The following DNAJB6 variants were observed in gnomAD, a reference collection of about 807,000 sequenced individuals.
The protein encoded by DNAJB6 is dnaJ homolog subfamily B member 6.
A neutral mutation model predicts 42.7 loss-of-function variants in DNAJB6; 16 were observed. That is an observed-to-expected ratio of 0.37 (90% CI 0.25 to 0.57). DNAJB6 has a LOEUF of 0.57. Among genes scored for constraint, DNAJB6 ranks in the 20% least tolerant of loss-of-function variants. The probability of loss-of-function intolerance (pLI) is 0.74; values close to 1 mark genes in which losing one functional copy is unlikely to be tolerated. For missense variants in DNAJB6, 347 were observed against 416.8 expected (o/e 0.83, Z 1.46); for synonymous variants, 170 against 163.5 (o/e 1.04, Z -0.30).
chr7:157,346,840 C>CTA (rs1798713648), intron 1 of DNAJB6, among the ~76,000 whole-genome samples: 3 of 152,242 alleles, frequency 2.0e-5, no homozygotes, highest in South Asian at 4.1e-4. Context: ...TCTTTCTAGA[C>CTA]CTTCAGCTAT....
intron 2 of DNAJB6, among the ~76,000 whole-genome samples, chr7:157,361,373 G>C (rs1799584486): frequency 6.6e-6 from 1 of 152,114 alleles, no homozygotes; most frequent in East Asian, 1.9e-4. Flanking sequence ...TGGCCAGGAT[G>C]GTCTCGATCT....
At chr7:157,342,731 G>T (rs138262838) in intron 1 of DNAJB6, among the ~76,000 whole-genome samples, 3,235 of 152,248 alleles carry the variant, frequency 0.021, 46 homozygotes, top group East Asian at 0.055. Flanking sequence ...GGGATTACAG[G>T]TGTGAGCCAC....
At chr7:157,344,234 A>G (rs7779202) in intron 1 of DNAJB6, among the ~76,000 whole-genome samples, 83,204 of 151,736 alleles carry the variant, frequency 0.55, 23,149 homozygotes, top group East Asian at 0.76. Flanking sequence ...TCAGCTACTT[A>G]GCAGGCTGAG....
At chr7:157,350,904 A>G (rs1223576179) in intron 1 of DNAJB6, among the ~76,000 whole-genome samples, 1 of 150,102 alleles carries the variant, frequency 6.7e-6, no homozygotes, top group Non-Finnish European at 1.5e-5. Flanking sequence ...AGCATATGCC[A>G]GACATTAGCC....
rs545213893 is a variant in DNAJB6, at chr7:157,384,247, A to T, written c.479-620A>T. ...TGGTGTTCATGAACTGTAGAACCAT[A>T]GTTTTTTGAGACGAATACTTGTATT... On this transcript the variant is annotated intron_variant, in intron 6 of 9. Transcript: ENST00000262177. Among the ~76,000 whole-genome samples, 183 of 152,352 alleles carry T rather than the reference A, an allele frequency of 1.2e-3. 1 individual carries two copies. Among genetic ancestry groups the T allele is most frequent in the African/African-American group, 4.1e-3 (169 of 41,574 alleles).
At chr7:157,395,316 G>A (rs1311290721) in intron 8 of DNAJB6, among the ~76,000 whole-genome samples, 1 of 152,160 alleles carries the variant, frequency 6.6e-6, no homozygotes, top group East Asian at 1.9e-4. Context: ...TGAATTCATC[G>A]TTTCATCTGT....
At chr7:157,353,690 C>G (rs191932753) in intron 1 of DNAJB6, among the ~76,000 whole-genome samples, 1 of 151,488 alleles carries the variant, frequency 6.6e-6, no homozygotes, top group Non-Finnish European at 1.5e-5. Context: ...GATAGGGTCT[C>G]GTTCTGTTGC....
chr7:157,380,998 C>T (rs976622319), intron 5 of DNAJB6: 2 of 102,674 alleles, frequency 1.9e-5, no homozygotes, highest in Admixed American at 1.1e-4. Flanking sequence ...CTAGTCACTG[C>T]ATTTTTTTTT....
Position 157,396,451 on chromosome 7 carries a change from A to G in DNAJB6, c.691+10840A>G, listed in dbSNP as rs902948256. 2.2e-4 allele frequency among the ~76,000 whole-genome samples: 34 copies of G among 152,240 alleles called. 1 individual carries two copies. The highest frequency in any genetic ancestry group is 2.1e-3 in the Admixed American group (32 of 15,292). On this transcript the variant is annotated intron_variant, in intron 8 of 9. Transcript: ENST00000262177. ...AGTGGGCAGTTAGAAACAGGGAACT[A>G]AAGACTTTTCCTTTCTCTGCCTCCA...
chr7:157,369,342 G>C, intron 5 of DNAJB6: 2 of 456,688 alleles, frequency 4.4e-6, no homozygotes, highest in Non-Finnish European at 4.4e-6. Context: ...TCAGCAAACT[G>C]CATTTGTTGC....
chr7:157,367,817 CCA>C (rs1799917285), intron 5 of DNAJB6, among the ~76,000 whole-genome samples: 1 of 151,758 alleles, frequency 6.6e-6, no homozygotes, highest in South Asian at 2.1e-4. Context: ...TGAGATCATG[CCA>C]TTGCATTGTT....
chr7:157,353,933 G>A (rs1272542122), intron 1 of DNAJB6, among the ~76,000 whole-genome samples: 2 of 152,100 alleles, frequency 1.3e-5, no homozygotes, highest in Admixed American at 6.5e-5. Context: ...CAAAGTGCTG[G>A]AATTATAGGA....
rs560405728 is a variant in DNAJB6, at chr7:157,393,936, C to T, written c.691+8325C>T. ...TAATTTATGTGTTCACTGGAAGCAT[C>T]CACGGTGTTCTGAGGCCTGTGATCA... On this transcript the variant is annotated intron_variant, in intron 8 of 9. Coordinates refer to ENST00000262177, the MANE Select transcript of DNAJB6 (RefSeq NM_058246.4). Among the ~76,000 whole-genome samples, 12 of 152,284 alleles carry T rather than the reference C, an allele frequency of 7.9e-5. No homozygotes were observed. In the East Asian group the frequency reaches 2.1e-3, roughly 27 times the overall value.
At position 157,365,729 on chromosome 7, in the gene DNAJB6, A is replaced by G. The variant is rs374749888; in HGVS notation, c.176-773A>G. On this transcript the variant is annotated intron_variant, in intron 3 of 9. Coordinates refer to ENST00000262177, the MANE Select transcript of DNAJB6 (RefSeq NM_058246.4). ...GCCCAGGCTTGAGTGCAATGGTGCA[A>G]TCTGGGCTCACTGCAACTTCTGCCT... Among the ~76,000 whole-genome samples the G allele has an allele frequency of 8.5e-5, 13 of 152,268 alleles. No individual in the cohort carries two copies. In the South Asian group the frequency reaches 1.7e-3, roughly 19 times the overall value.
At chr7:157,371,335 ATTTATC>A (rs1477671925) in intron 5 of DNAJB6, among the ~76,000 whole-genome samples, 2 of 152,246 alleles carry the variant, frequency 1.3e-5, no homozygotes, top group African/African-American at 4.8e-5. Context: ...TGCACTTTAC[ATTTATC>A]AGAATGCAGA....
intron 1 of DNAJB6, among the ~76,000 whole-genome samples, chr7:157,349,954 A>G (rs529137895): frequency 4.8e-4 from 73 of 152,080 alleles, no homozygotes; most frequent in Non-Finnish European, 8.5e-4. Context: ...ACGCCCGGCT[A>G]ATTATTTTAT....
intron 5 of DNAJB6, chr7:157,378,453 GTGCTGTATAGT>G (rs1404483987): frequency 1.3e-5 from 2 of 152,274 alleles, no homozygotes; most frequent in African/African-American, 2.4e-5. Flanking sequence ...GTTGTAGCAC[GTGCTGTATAGT>G]TGTGATGCCC....
chr7:157,409,035 G>A (rs1444145709), intron 8 of DNAJB6, among the ~76,000 whole-genome samples: 1 of 152,204 alleles, frequency 6.6e-6, no homozygotes, highest in Non-Finnish European at 1.5e-5. Flanking sequence ...TCACATCCAC[G>A]CAGTGATTGC....
chr7:157,411,389 G>A (rs1197465178), intron 9 of DNAJB6: 2 of 132,952 alleles, frequency 1.5e-5, no homozygotes, highest in Non-Finnish European at 3.2e-5. Flanking sequence ...CTGAGCGGGC[G>A]TGGGGAAGGT....
Sources: gnomAD v4.1 joint callset for allele counts (sites outside exome capture counted in the v4.1 genomes callset) on GRCh38, gnomAD v4.1.1 for gene constraint, MANE v1.5 for transcripts, NCBI Gene and HGNC (gene_info 2026-07-23, HGNC 2026-07-21) for gene names.